The following EIF3A variants were observed in gnomAD, a reference collection of about 807,000 sequenced individuals.
The protein encoded by EIF3A is eukaryotic translation initiation factor 3 subunit A, also known as EIF3, p180 subunit.
EIF3A carries 21 observed loss-of-function variants against 186.6 expected under a neutral mutation model. That is an observed-to-expected ratio of 0.11 (90% CI 0.08 to 0.16). The LOEUF (loss-of-function observed/expected upper bound fraction) is 0.16, where lower values mean the gene tolerates loss of function less well. Among genes scored for constraint, EIF3A ranks in the 10% least tolerant of loss-of-function variants. The pLI, the probability that EIF3A is intolerant of heterozygous loss-of-function variation, is 1.00. For missense variants in EIF3A, 1,306 were observed against 1,796.3 expected, an observed-to-expected ratio of 0.73 and a Z score of 4.93; for synonymous variants, 563 against 584.3, an observed-to-expected ratio of 0.96 and a Z score of 0.52.
intron 1 of EIF3A, among the ~76,000 whole-genome samples, chr10:119,077,649 GGTTCA>G (rs1172398289): frequency 1.3e-5 from 2 of 151,586 alleles, no homozygotes; most frequent in African/African-American, 4.8e-5. Flanking sequence ...CCACCTCCTG[GGTTCA>G]TGCCATTCTC....
chr10:119,067,946 G>A (rs1429550129), intron 6 of EIF3A, among the ~76,000 whole-genome samples: 3 of 152,100 alleles, frequency 2.0e-5, no homozygotes, highest in Non-Finnish European at 4.4e-5. Flanking sequence ...GAGTAGCTGG[G>A]ATTACAGGCG....
At chr10:119,060,629 G>C in intron 9 of EIF3A, 117 bp downstream of exon 9, 1 of 617,140 alleles carries the variant, frequency 1.6e-6, no homozygotes, top group South Asian at 2.4e-5. Context: ...ACTAATTTTT[G>C]CCAGGGGCAG....
chr10:119,069,670 T>C lies in EIF3A; in HGVS notation c.742-16A>G. ...TGAATGCTTCCTAAAATTAGGAGTA[T>C]AAATTAAAGTCATTGCATTCTATAA... is the stretch of plus-strand genomic sequence containing the variant. On this transcript the variant is annotated splice_polypyrimidine_tract_variant and intron_variant, in intron 5 of 21. Coordinates refer to ENST00000369144, the MANE Select transcript of EIF3A (RefSeq NM_003750.4). The C allele has an allele frequency of 1.5e-6, 2 of 1,319,296 alleles. No homozygotes were observed. The highest frequency in any genetic ancestry group is 2.2e-6 in the Non-Finnish European group (2 of 913,164). The allele number at this position is 1,319,296 out of a possible 1,614,324, so 81.7% of individuals were successfully genotyped here. A position where few individuals can be genotyped will look rare whatever the true frequency, so the allele number is the denominator to read the frequency against.
chr10:119,063,409 C>A (rs1843921669), intron 7 of EIF3A, among the ~76,000 whole-genome samples: 1 of 152,134 alleles, frequency 6.6e-6, no homozygotes, highest in Non-Finnish European at 1.5e-5. Flanking sequence ...TTGACTACTG[C>A]AGAAAATTTA....
intron 20 of EIF3A, 53 bp from the exon 21 acceptor site, chr10:119,037,362 A>G: frequency 6.7e-7 from 1 of 1,494,192 alleles, no homozygotes; most frequent in Non-Finnish European, 9.3e-7. Context: ...CCAAATGGAT[A>G]ATTATAAGTA....
chr10:119,060,763 G>C lies in EIF3A; in HGVS notation c.1309C>G (p.Leu437Val), dbSNP rs1309165203. 1 of 1,608,178 alleles carries C rather than the reference G, an allele frequency of 6.2e-7. No individual in the cohort carries two copies. The highest frequency in any genetic ancestry group is 8.5e-7 in the Non-Finnish European group (1 of 1,177,814). The part of the protein sequence containing the change: ...YVPQLQNNTI[L>V]RLLQQVSQIY... The stretch of plus-strand genomic sequence containing the variant: ...ATTTTTACCTGCTGCAGAAGGCGGA[G>C]GATGGTGTTGTTTTGCAGTTGTGGC... Residue 437 changes from leucine to valine, a missense_variant, in exon 9 of 22, where the codon CTC becomes GTC. By Grantham distance (32) the Leu-to-Val change is conservative. Around this residue, in one of 8 missense-constraint regions of EIF3A, gnomAD observed 267 missense variants for 367.8 expected, o/e 0.73. Coordinates refer to ENST00000369144, the MANE Select transcript of EIF3A (RefSeq NM_003750.4).
chr10:119,049,747 C>CA (rs80329813), intron 17 of EIF3A, 54 bp downstream of exon 17: 35,151 of 1,065,438 alleles, frequency 0.033, no homozygotes, highest in Non-Finnish European at 0.037. Flanking sequence ...GTGCCTCAAC[C>CA]AAAAAAAAAA....
intron 5 of EIF3A, among the ~76,000 whole-genome samples, chr10:119,069,943 T>C (rs1207943071): frequency 6.6e-6 from 1 of 152,204 alleles, no homozygotes; most frequent in East Asian, 1.9e-4. Flanking sequence ...AAAGAAAAAA[T>C]CTAGAAGGAT....
intron 17 of EIF3A, among the ~76,000 whole-genome samples, chr10:119,045,977 T>C (rs1168153631): frequency 1.3e-5 from 2 of 152,002 alleles, no homozygotes; most frequent in African/African-American, 2.4e-5. Context: ...AAAGAAACAT[T>C]AAAGATATAA....
At chr10:119,053,639 G>A (rs1265237649) in intron 14 of EIF3A, among the ~76,000 whole-genome samples, 1 of 151,214 alleles carries the variant, frequency 6.6e-6, no homozygotes, top group African/African-American at 2.4e-5. Flanking sequence ...GTGGGCACTT[G>A]AGCCCAGGGG....
chr10:119,046,683 GCA>G (rs1848286803), intron 17 of EIF3A, among the ~76,000 whole-genome samples: 1 of 152,236 alleles, frequency 6.6e-6, no homozygotes, highest in Non-Finnish European at 1.5e-5. Flanking sequence ...TGGTGGCCAG[GCA>G]CAGTGGCTCA....
At chr10:119,072,855 A>C in intron 4 of EIF3A, 35 bp downstream of exon 4, 1 of 1,577,250 alleles carries the variant, frequency 6.3e-7, no homozygotes, top group South Asian at 1.2e-5. Context: ...GTCAATTTCA[A>C]AGCACTTCAC....
In EIF3A at chr10:119,050,107, T is replaced by C. The variant is rs74157621; in HGVS notation, c.2474-122A>G. ...ACAAGTAAAAGAATTTGAAAATAGT[T>C]TGTAATCAGCTACAGGACAGAACAT... On this transcript the variant is annotated intron_variant, in intron 16 of 21. Coordinates refer to ENST00000369144, the MANE Select transcript of EIF3A (RefSeq NM_003750.4). 1.9e-3 allele frequency: 1,803 copies of C among 964,260 alleles called. 22 individuals carry two copies. In the African/African-American group the frequency reaches 0.026, roughly 14 times the overall value. The allele number at this position is 964,260 out of a possible 1,614,324, so 59.7% of individuals were successfully genotyped here. A position where few individuals can be genotyped will look rare whatever the true frequency, so the allele number is the denominator to read the frequency against.
At position 119,035,723 on chromosome 10, in the gene EIF3A, C is replaced by T. The variant is rs543021092; in HGVS notation, c.*316G>A. 24 of 232,942 alleles carry T rather than the reference C, an allele frequency of 1.0e-4. No individual in the cohort carries two copies. The highest frequency in any genetic ancestry group is 1.8e-4 in the Non-Finnish European group (22 of 119,826). 14.4% of individuals were successfully genotyped at this position (232,942 alleles called of 1,614,324 possible). A position where few individuals can be genotyped will look rare whatever the true frequency, so the allele number is the denominator to read the frequency against. On this transcript the variant is annotated 3_prime_UTR_variant, in exon 22 of 22. Coordinates refer to ENST00000369144, the MANE Select transcript of EIF3A (RefSeq NM_003750.4). ...CAAAAAAAAAGTATCAGTTCTATAC[C>T]AAGATAAAGGTGTTACTCAATACCT...
At chr10:119,060,029 G>A (rs1385953276) in intron 9 of EIF3A, 1 of 516,766 alleles carries the variant, frequency 1.9e-6, no homozygotes, top group East Asian at 5.1e-5. Context: ...GAAGGAGACT[G>A]GCAGCATTAC....
rs1301126233 is a variant in EIF3A, at chr10:119,044,947, T to C, written c.2659-805A>G. On this transcript the variant is annotated intron_variant, in intron 17 of 21. Transcript: ENST00000369144. ...CTTTATTTGAATTTTCTTTTCTTTT[T>C]TTTTTTTTTTTTTTTGAGGTGGAAT... Among the ~76,000 whole-genome samples, 6 of 5,074 alleles carry C rather than the reference T, an allele frequency of 1.2e-3. No individual in the cohort carries two copies. In the Non-Finnish European group the frequency reaches 0.034, roughly 29 times the overall value. 3.3% of individuals were successfully genotyped at this position (5,074 alleles called of 152,430 possible).
Position 119,057,002 on chromosome 10 carries a change from T to C in EIF3A, c.2016A>G (p.Lys672=). 6.2e-7 allele frequency: 1 copy of C among 1,612,122 alleles called. No homozygotes were observed. Among genetic ancestry groups the C allele is most frequent in the South Asian group, 1.1e-5 (1 of 90,490 alleles). Residue 672 remains lysine, a synonymous_variant, in exon 13 of 22, where the codon AAA becomes AAG. Transcript: ENST00000369144. The part of the protein sequence containing the change: ...EELDPDFIMA[K]QVEQLEKEKK... ...TTTCTTTCTCCAGTTGTTCAACCTG[T>C]TTAGCCATGATAAAATCTGGATCCA...
At position 119,070,883 on chromosome 10, in the gene EIF3A, T is replaced by C. The variant is rs760611408; in HGVS notation, c.741+3A>G. ...GGAAGAAAAGCTAATAGCTCCAACA[T>C]ACCTGCCACAATTCCATGCTGATAG... On this transcript the variant is annotated splice_donor_region_variant and intron_variant, in intron 5 of 21. Coordinates refer to ENST00000369144, the MANE Select transcript of EIF3A (RefSeq NM_003750.4). 1.2e-5 allele frequency: 20 copies of C among 1,607,178 alleles called. No individual in the cohort carries two copies. The highest frequency in any genetic ancestry group is 1.7e-5 in the Non-Finnish European group (20 of 1,173,792).
At chr10:119,047,351 G>A (rs1848294335) in intron 17 of EIF3A, among the ~76,000 whole-genome samples, 1 of 152,048 alleles carries the variant, frequency 6.6e-6, no homozygotes, top group South Asian at 2.1e-4. Context: ...GGACATAGAA[G>A]CAAATAAAAA....
Sources: allele counts gnomAD v4.1 joint callset (sites outside exome capture counted in the v4.1 genomes callset), GRCh38; gene constraint gnomAD v4.1.1; regional missense constraint gnomAD v4.1.1; transcripts MANE v1.5; gene names NCBI Gene and HGNC (gene_info 2026-07-23, HGNC 2026-07-21).